ZNF778: variants seen among roughly 807,000 people sequenced by gnomAD.
The protein encoded by ZNF778 is zinc finger protein 778.
ZNF778 carries 37 observed loss-of-function variants against 23.9 expected under a neutral mutation model. The ratio of observed to expected loss-of-function variants is 1.54; its 90% CI spans 1.19 to 2.03. ZNF778 has a LOEUF of 2.03. Ranked by LOEUF, ZNF778 falls within the 30% of genes most tolerant of loss-of-function variation. The pLI, the probability that ZNF778 is intolerant of heterozygous loss-of-function variation, is 0.00. For synonymous variants in ZNF778, 483 were observed against 343.9 expected (o/e 1.40, Z -4.48); for missense variants, 1,297 against 934.4 (o/e 1.39, Z -5.06).
chr16:89,226,408 T>A (rs769832647), intron 6 of ZNF778, among the ~76,000 whole-genome samples: 22 of 152,172 alleles, frequency 1.4e-4, no homozygotes, highest in Non-Finnish European at 2.5e-4. Context: ...TTTCTCCATG[T>A]TGGTCAGGCT....
In ZNF778 at chr16:89,227,669, TCCTCGGG is replaced by T; in HGVS notation, c.1385_1391del (p.Ser462LeufsTer5). ...GGACTGCGGGAAAGCCTTCTGTACA[TCCTCGGG>T]CCTTACTGAGCATGTAAGGACTCAC... On this transcript the variant is annotated frameshift_variant, in exon 7 of 7. Transcript: ENST00000433976. LOFTEE classifies it low-confidence loss of function (END_TRUNC). 6.2e-7 allele frequency: 1 copy of T among 1,613,972 alleles called. No individual in the cohort carries two copies. The highest frequency in any genetic ancestry group is 1.1e-5 in the South Asian group (1 of 91,064).
In ZNF778 at chr16:89,227,382, A is replaced by G. The variant is rs368882498; in HGVS notation, c.1094A>G (p.Tyr365Cys). The change falls in exon 7 of 7, where the codon TAT (tyrosine) becomes TGT (cysteine). Residue 365 changes from tyrosine to cysteine, a missense_variant. By Grantham distance (194) the Tyr-to-Cys change is radical (BLOSUM62 -2). Coordinates refer to ENST00000433976, the MANE Select transcript of ZNF778 (RefSeq NM_001201407.2). ...CAAACAGACCCTGGACAGAAGCCCT[A>G]TGAATGTAAGGACTGTGGGAAAGCC... ...HVQTDPGQKP[Y>C]ECKDCGKACG... The G allele has an allele frequency of 2.4e-5, 39 of 1,614,010 alleles. No homozygotes were observed. The African/African-American group carries it at 3.3e-4, about 14-fold the overall frequency.
chr16:89,228,088 T>C lies in ZNF778; in HGVS notation c.1800T>C (p.Val600=). ...ECKDCGKTFT[V]SSSLTEHIRT... Reference sequence around the variant, plus strand: ...AGGACTGTGGGAAAACATTCACTGTTTCTTCGAGCCTAACCGAGCACATAC... The same window carrying C: ...AGGACTGTGGGAAAACATTCACTGTCTCTTCGAGCCTAACCGAGCACATAC... Residue 600 remains valine (V), a synonymous_variant, in exon 7 of 7, where the codon GTT becomes GTC. Transcript: ENST00000433976. 2.5e-6 allele frequency: 4 copies of C among 1,612,872 alleles called. No homozygotes were observed. Among genetic ancestry groups the C allele is most frequent in the Non-Finnish European group, 3.4e-6 (4 of 1,179,140 alleles).
Position 89,228,907 on chromosome 16 carries a change from T to C in ZNF778, c.*345T>C. 3.9e-6 allele frequency: 4 copies of C among 1,020,428 alleles called. No individual in the cohort carries two copies. The highest frequency in any genetic ancestry group is 4.7e-6 in the Non-Finnish European group (4 of 852,812). 63.2% of individuals were successfully genotyped at this position (1,020,428 alleles called of 1,614,324 possible). A position where few individuals can be genotyped will look rare whatever the true frequency, so the allele number is the denominator to read the frequency against. ...GAGGGTGAGAATTGTTGGGAAGTCA[T>C]TTTTTACATTACATCTTTCCTCACC... On this transcript the variant is annotated 3_prime_UTR_variant, in exon 7 of 7. Coordinates refer to ENST00000433976, the MANE Select transcript of ZNF778 (RefSeq NM_001201407.2).
intron 3 of ZNF778, among the ~76,000 whole-genome samples, 198 bp downstream of exon 3, chr16:89,222,381 T>G (rs74918378): frequency 1.3e-5 from 2 of 152,296 alleles, no homozygotes; most frequent in Admixed American, 6.5e-5. Flanking sequence ...TTTTTTTTTT[T>G]GAGACGGAGT....
rs994648958 is a variant in ZNF778, at chr16:89,228,795, T to C, written c.*233T>C. On this transcript the variant is annotated 3_prime_UTR_variant, in exon 7 of 7. Coordinates refer to ENST00000433976, the MANE Select transcript of ZNF778 (RefSeq NM_001201407.2). ...ATGGTATCCAGTAGAGAGAACTCTA[T>C]TGATGTGTGATATGCAGCAGCATTG... 5 of 1,298,614 alleles carry C rather than the reference T, an allele frequency of 3.9e-6. No individual in the cohort carries two copies. The highest frequency in any genetic ancestry group is 3.8e-5 in the Admixed American group (1 of 26,506). The allele number at this position is 1,298,614 out of a possible 1,614,324, so 80.4% of individuals were successfully genotyped here. A position where few individuals can be genotyped will look rare whatever the true frequency, so the allele number is the denominator to read the frequency against.
chr16:89,234,232 G>A lies in ZNF778; in HGVS notation c.*5670G>A. 2.8e-6 allele frequency: 1 copy of A among 359,486 alleles called. No homozygotes were observed. The highest frequency in any genetic ancestry group is 2.1e-5 in the South Asian group (1 of 48,274). The allele number at this position is 359,486 out of a possible 1,614,324, so 22.3% of individuals were successfully genotyped here. A position where few individuals can be genotyped will look rare whatever the true frequency, so the allele number is the denominator to read the frequency against. On this transcript the variant is annotated 3_prime_UTR_variant, in exon 7 of 7. Transcript: ENST00000433976. The stretch of plus-strand genomic sequence containing the variant: ...TTTTCCTCATAGTCTCTCTACCTAA[G>A]CACATGTCTGTGACAAGGTCTTACC...
At position 89,233,928 on chromosome 16, in the gene ZNF778, A is replaced by C; in HGVS notation, c.*5366A>C. On this transcript the variant is annotated 3_prime_UTR_variant, in exon 7 of 7. Transcript: ENST00000433976. ...AGGATGAGGCACTAGACAGCAGGACATGCTGTATGCCCTTGGGCCTGCTGG... is the reference window on the plus strand; with the variant it reads ...AGGATGAGGCACTAGACAGCAGGACCTGCTGTATGCCCTTGGGCCTGCTGG... 1 of 1,286,554 alleles carries C rather than the reference A, an allele frequency of 7.8e-7. No homozygotes were observed. The highest frequency in any genetic ancestry group is 1.0e-6 in the Non-Finnish European group (1 of 986,258). 79.7% of individuals were successfully genotyped at this position (1,286,554 alleles called of 1,614,324 possible). A position where few individuals can be genotyped will look rare whatever the true frequency, so the allele number is the denominator to read the frequency against.
chr16:89,235,715 A>C lies in ZNF778; in HGVS notation c.*7153A>C, dbSNP rs918948244. The C allele has an allele frequency of 6.6e-6, 1 of 152,262 alleles. No homozygotes were observed. The highest frequency in any genetic ancestry group is 6.5e-5 in the Admixed American group (1 of 15,280). 9.4% of individuals were successfully genotyped at this position (152,262 alleles called of 1,614,324 possible). On this transcript the variant is annotated 3_prime_UTR_variant, in exon 7 of 7. Coordinates refer to ENST00000433976, the MANE Select transcript of ZNF778 (RefSeq NM_001201407.2). Reference sequence around the variant, plus strand: ...TTATGATACCAAATGGCTAACATTCATGACCTCAGTATCCTGGAAGAAAAG... The same window carrying C: ...TTATGATACCAAATGGCTAACATTCCTGACCTCAGTATCCTGGAAGAAAAG...
chr16:89,217,710 A>G lies in ZNF778; in HGVS notation c.-332A>G, dbSNP rs1020116876. ...CGCCGGCCCCGCCTCCGCCTGTCTT[A>G]CAGCTGATCCGGTTCTTGCGGCGGT... On this transcript the variant is annotated 5_prime_UTR_variant, in exon 1 of 7. Coordinates refer to ENST00000433976, the MANE Select transcript of ZNF778 (RefSeq NM_001201407.2). The G allele has an allele frequency of 6.6e-6, 1 of 152,276 alleles. No individual in the cohort carries two copies. The highest frequency in any genetic ancestry group is 3.1e-3 in the Middle Eastern group (1 of 318). 9.4% of individuals were successfully genotyped at this position (152,276 alleles called of 1,614,324 possible).
intron 2 of ZNF778, among the ~76,000 whole-genome samples, chr16:89,221,583 CTGTGTGTGTGTGTG>C (rs35503385): frequency 7.1e-6 from 1 of 141,410 alleles, no homozygotes; most frequent in Non-Finnish European, 1.5e-5. Context: ...CACTGTATGG[CTGTGTGTGTGTGTG>C]TGTGTGTGTG....
chr16:89,223,469 G>A (rs967398490), intron 4 of ZNF778, among the ~76,000 whole-genome samples, 186 bp downstream of exon 4: 27 of 152,138 alleles, frequency 1.8e-4, no homozygotes, highest in African/African-American at 6.5e-4. Context: ...GAGCATCACC[G>A]TCACTCCTCT....
In ZNF778 at chr16:89,229,208, G is replaced by T. The variant is rs559882312; in HGVS notation, c.*646G>T. The stretch of plus-strand genomic sequence containing the variant: ...ACTCAGATGTGATCCTGTGTGAGCA[G>T]TGTAGGCTCTGGTTGGTTAGTCTTG... On this transcript the variant is annotated 3_prime_UTR_variant, in exon 7 of 7. Transcript: ENST00000433976. The T allele has an allele frequency of 1.0e-6, 1 of 985,652 alleles. No individual in the cohort carries two copies. Among genetic ancestry groups the T allele is most frequent in the Non-Finnish European group, 1.2e-6 (1 of 830,180 alleles). 61.1% of individuals were successfully genotyped at this position (985,652 alleles called of 1,614,324 possible). A position where few individuals can be genotyped will look rare whatever the true frequency, so the allele number is the denominator to read the frequency against.
rs1177745074 is a variant in ZNF778, at chr16:89,233,565, T to G, written c.*5003T>G. On this transcript the variant is annotated 3_prime_UTR_variant, in exon 7 of 7. Coordinates refer to ENST00000433976, the MANE Select transcript of ZNF778 (RefSeq NM_001201407.2). ...CAAATCAACTCACTGCATATGCAAC[T>G]CAGCTCGCACTGCATATGCAACGCA... The G allele has an allele frequency of 7.8e-7, 1 of 1,278,466 alleles. No homozygotes were observed. The highest frequency in any genetic ancestry group is 1.0e-6 in the Non-Finnish European group (1 of 984,652). 79.2% of individuals were successfully genotyped at this position (1,278,466 alleles called of 1,614,324 possible). A position where few individuals can be genotyped will look rare whatever the true frequency, so the allele number is the denominator to read the frequency against.
Position 89,233,767 on chromosome 16 carries a change from C to G in ZNF778, c.*5205C>G. The G allele has an allele frequency of 8.1e-7, 1 of 1,241,748 alleles. No homozygotes were observed. Among genetic ancestry groups the G allele is most frequent in the Non-Finnish European group, 1.1e-6 (1 of 950,272 alleles). The allele number at this position is 1,241,748 out of a possible 1,614,324, so 76.9% of individuals were successfully genotyped here. A position where few individuals can be genotyped will look rare whatever the true frequency, so the allele number is the denominator to read the frequency against. On this transcript the variant is annotated 3_prime_UTR_variant, in exon 7 of 7. Transcript: ENST00000433976. ...TGCAACTCAACTCGCACTGCGTATG[C>G]AACTCAACTCGCACTGCGTATGCAA...
At chr16:89,226,288 C>T (rs917903925) in intron 6 of ZNF778, among the ~76,000 whole-genome samples, 1 of 152,256 alleles carries the variant, frequency 6.6e-6, no homozygotes, top group South Asian at 2.1e-4. Context: ...TCGCCGCAAC[C>T]TCTGCCTCCC....
chr16:89,230,209 G>A lies in ZNF778; in HGVS notation c.*1647G>A, dbSNP rs1218765886. The A allele has an allele frequency of 8.7e-6, 3 of 343,458 alleles. No individual in the cohort carries two copies. Among genetic ancestry groups the A allele is most frequent in the Non-Finnish European group, 1.2e-5 (3 of 243,390 alleles). 21.3% of individuals were successfully genotyped at this position (343,458 alleles called of 1,614,324 possible). ...ATCCCTTCAGATAAAACACCAGGGT[G>A]CAAGGAGGGGCAGAGTGGAGAGGGG... On this transcript the variant is annotated 3_prime_UTR_variant, in exon 7 of 7. Coordinates refer to ENST00000433976, the MANE Select transcript of ZNF778 (RefSeq NM_001201407.2).
rs1249692960 is a variant in ZNF778 at position 89,234,156 on chromosome 16, GTCAC to G, written c.*5603_*5606del. The G allele has an allele frequency of 7.0e-5, 30 of 429,064 alleles. No homozygotes were observed. The highest frequency in any genetic ancestry group is 6.4e-4 in the East Asian group (9 of 14,130). 26.6% of individuals were successfully genotyped at this position (429,064 alleles called of 1,614,324 possible). The stretch of plus-strand genomic sequence containing the variant: ...CTTTCCATGTCAGGAACCTGTGTGT[GTCAC>G]TCACTCACCTTGACGAGTCCGCGTC... On this transcript the variant is annotated 3_prime_UTR_variant, in exon 7 of 7. Coordinates refer to ENST00000433976, the MANE Select transcript of ZNF778 (RefSeq NM_001201407.2).
Position 89,223,180 on chromosome 16 carries a change from G to A in ZNF778, c.141G>A (p.Val47=). The change falls in exon 4 of 7, where the codon GTG becomes GTA. Residue 47 remains valine, a synonymous_variant. Transcript: ENST00000433976. The part of the protein sequence containing the change: ...CYQDAVTFDD[V]AVDFTQEEWT... The stretch of plus-strand genomic sequence containing the variant: ...AGGACGCGGTGACCTTTGACGACGT[G>A]GCTGTGGACTTCACCCAGGAGGAAT... 1 of 1,613,896 alleles carries A rather than the reference G, an allele frequency of 6.2e-7. No individual in the cohort carries two copies. Among genetic ancestry groups the A allele is most frequent in the Non-Finnish European group, 8.5e-7 (1 of 1,179,940 alleles).
Sources: gnomAD v4.1 joint callset for allele counts (sites outside exome capture counted in the v4.1 genomes callset) on GRCh38, gnomAD v4.1.1 for gene constraint, MANE v1.5 for transcripts, NCBI Gene and HGNC (gene_info 2026-07-23, HGNC 2026-07-21) for gene names.